ARSB: variants seen among roughly 807,000 people sequenced by gnomAD.
ARSB encodes the protein arylsulfatase B.
Under a neutral mutation model 50.9 loss-of-function variants are expected in ARSB, and 41 were observed. The observed-to-expected ratio is 0.81, with a 90% CI of 0.63 to 1.04. The LOEUF is 1.04. Ranked by LOEUF, ARSB falls within the 50% of genes least tolerant of loss-of-function variation. The pLI is 0.00. For synonymous variants in ARSB, 269 were observed against 284.8 expected (o/e 0.94, Z 0.56); for missense variants, 672 against 693.3 (o/e 0.97, Z 0.35).
chr5:78,934,818 T>C (rs1240405453), intron 4 of ARSB, among the ~76,000 whole-genome samples: 2 of 151,738 alleles, frequency 1.3e-5, no homozygotes, highest in Non-Finnish European at 2.9e-5. Context: ...TAAAAATAAA[T>C]AAATAAATGA....
intron 6 of ARSB, among the ~76,000 whole-genome samples, chr5:78,785,201 C>T (rs746011672): frequency 6.6e-6 from 1 of 151,780 alleles, no homozygotes. Context: ...TTATTATTTC[C>T]CTCCTTTTAT....
At position 78,786,472 on chromosome 5, in the gene ARSB, T is replaced by C. The variant is rs1389865719; in HGVS notation, c.1214-4498A>G. 3.3e-5 allele frequency among the ~76,000 whole-genome samples: 5 copies of C among 152,244 alleles called. No individual in the cohort carries two copies. In the South Asian group the frequency reaches 6.2e-4, roughly 19 times the overall value. On this transcript the variant is annotated intron_variant, in intron 6 of 7. Transcript: ENST00000264914. ...ACGAGTAATGTACCATTAACATTCATGTACAATTTCAGTGTGGATGTACAT... is the reference window on the plus strand; with the variant it reads ...ACGAGTAATGTACCATTAACATTCACGTACAATTTCAGTGTGGATGTACAT...
intron 6 of ARSB, among the ~76,000 whole-genome samples, chr5:78,831,786 G>A (rs1744702509): frequency 6.6e-6 from 1 of 152,158 alleles, no homozygotes; most frequent in Non-Finnish European, 1.5e-5. Context: ...CTGTAGCAGG[G>A]TGAGCCCCAT....
At chr5:78,815,211 G>T (rs1743945524) in intron 6 of ARSB, among the ~76,000 whole-genome samples, 1 of 150,698 alleles carries the variant, frequency 6.6e-6, no homozygotes. Context: ...TAAGGCAAAC[G>T]ATCTCCCCTA....
intron 6 of ARSB, among the ~76,000 whole-genome samples, chr5:78,833,004 T>C (rs1744758872): frequency 6.6e-6 from 1 of 152,190 alleles, no homozygotes; most frequent in Admixed American, 6.5e-5. Context: ...GGCAGGATCA[T>C]TACTGCAGAA....
intron 3 of ARSB, among the ~76,000 whole-genome samples, chr5:78,960,446 G>A (rs1751932357): frequency 6.6e-6 from 1 of 152,132 alleles, no homozygotes; most frequent in Non-Finnish European, 1.5e-5. Flanking sequence ...TCCAAATTGT[G>A]TCACAGAAAA....
intron 6 of ARSB, among the ~76,000 whole-genome samples, chr5:78,796,667 T>C (rs1743185863): frequency 6.6e-6 from 1 of 152,174 alleles, no homozygotes. Context: ...TGCCATTCTT[T>C]TTTTTTTGAC....
chr5:78,875,835 C>T (rs893184962), intron 5 of ARSB, among the ~76,000 whole-genome samples: 12 of 151,804 alleles, frequency 7.9e-5, no homozygotes, highest in Non-Finnish European at 1.3e-4. Flanking sequence ...ACCCAGTCAA[C>T]TTTTGTATTT....
In ARSB at chr5:78,962,591, G is replaced by A. The variant is rs185955471; in HGVS notation, c.690+1825C>T. On this transcript the variant is annotated intron_variant, in intron 3 of 7. Coordinates refer to ENST00000264914, the MANE Select transcript of ARSB (RefSeq NM_000046.5). Reference sequence around the variant, plus strand: ...CGCCCAGGCTGGAGTGTAGTGGTGCGATCTCGGCTCACTGCAAGCTCCGCC... The same window carrying A: ...CGCCCAGGCTGGAGTGTAGTGGTGCAATCTCGGCTCACTGCAAGCTCCGCC... Among the ~76,000 whole-genome samples the A allele has an allele frequency of 1.2e-3, 179 of 145,306 alleles. 1 individual carries two copies. Among genetic ancestry groups the A allele is most frequent in the African/African-American group, 4.4e-3 (170 of 38,484 alleles).
At chr5:78,866,921 C>T (rs942702288) in intron 5 of ARSB, among the ~76,000 whole-genome samples, 3 of 152,192 alleles carry the variant, frequency 2.0e-5, no homozygotes, top group Non-Finnish European at 2.9e-5. Context: ...TTCATCTCAC[C>T]AGGGAGTGCA....
At position 78,919,110 on chromosome 5, in the gene ARSB, G is replaced by A. The variant is rs930486451; in HGVS notation, c.899-33283C>T. Among the ~76,000 whole-genome samples, 29 of 152,314 alleles carry A rather than the reference G, an allele frequency of 1.9e-4. 1 individual carries two copies. Among genetic ancestry groups the A allele is most frequent in the Non-Finnish European group, 4.1e-4 (28 of 68,018 alleles). ...CAATCTGAGAGAAGAAGGTGGAGTT[G>A]CAGAGAGAATGGAGCTCAATATTCC... On this transcript the variant is annotated intron_variant, in intron 4 of 7. Coordinates refer to ENST00000264914, the MANE Select transcript of ARSB (RefSeq NM_000046.5).
intron 4 of ARSB, among the ~76,000 whole-genome samples, chr5:78,888,719 C>T (rs1748149362): frequency 7.3e-6 from 1 of 137,640 alleles, no homozygotes; most frequent in Non-Finnish European, 1.6e-5. Flanking sequence ...TCAGTTATGA[C>T]TCAGATAGGA....
intron 5 of ARSB, among the ~76,000 whole-genome samples, chr5:78,864,219 C>T (rs543936132): frequency 1.3e-5 from 2 of 152,098 alleles, no homozygotes; most frequent in Non-Finnish European, 2.9e-5. Flanking sequence ...TAAAGACATC[C>T]CCAAGACTGG....
chr5:78,855,253 A>G (rs527547631), intron 5 of ARSB, among the ~76,000 whole-genome samples: 157 of 152,322 alleles, frequency 1.0e-3, no homozygotes, highest in African/African-American at 3.5e-3. Context: ...TGAGTCCAAC[A>G]GGTATGACTG....
intron 5 of ARSB, among the ~76,000 whole-genome samples, chr5:78,862,928 A>G (rs571701036): frequency 6.6e-4 from 100 of 152,350 alleles, no homozygotes; most frequent in Non-Finnish European, 1.2e-3. Context: ...AAGTAACCCC[A>G]TCAAAAGGTG....
At chr5:78,892,007 G>T (rs1217447022) in intron 4 of ARSB, among the ~76,000 whole-genome samples, 1 of 152,004 alleles carries the variant, frequency 6.6e-6, no homozygotes, top group Non-Finnish European at 1.5e-5. Flanking sequence ...GAGAAATGAG[G>T]ATAACAAAAT....
At chr5:78,910,202 C>A (rs950846908) in intron 4 of ARSB, among the ~76,000 whole-genome samples, 3 of 152,212 alleles carry the variant, frequency 2.0e-5, no homozygotes, top group African/African-American at 7.2e-5. Flanking sequence ...CTGAGGAAAC[C>A]CGGGGACCGG....
At chr5:78,784,258 T>C (rs1749019280) in intron 6 of ARSB, among the ~76,000 whole-genome samples, 1 of 152,192 alleles carries the variant, frequency 6.6e-6, no homozygotes. Context: ...GAAGACAGTA[T>C]GGAGGTTCCT....
chr5:78,866,181 G>C (rs1746719562), intron 5 of ARSB, among the ~76,000 whole-genome samples: 1 of 152,184 alleles, frequency 6.6e-6, no homozygotes, highest in Non-Finnish European at 1.5e-5. Flanking sequence ...ACCAAAGAAA[G>C]AGGTTTATTT....
Sources: allele counts gnomAD v4.1 joint callset (sites outside exome capture counted in the v4.1 genomes callset), GRCh38; gene constraint gnomAD v4.1.1; transcripts MANE v1.5; gene names NCBI Gene and HGNC (gene_info 2026-07-23, HGNC 2026-07-21).